The following LY75 variants were observed in gnomAD, a reference collection of about 807,000 sequenced individuals.
LY75 encodes lymphocyte antigen 75.
A neutral mutation model predicts 231.7 loss-of-function variants in LY75; 185 were observed. The observed-to-expected ratio is 0.80, with a 90% CI of 0.71 to 0.90. The LOEUF is 0.90. Among genes scored for constraint, LY75 ranks in the 40% least tolerant of loss-of-function variants. The pLI, the probability that LY75 is intolerant of heterozygous loss-of-function variation, is 0.00. For synonymous variants in LY75, 668 were observed against 689.0 expected (o/e 0.97, Z 0.48); for missense variants, 1,947 against 2,050.2 (o/e 0.95, Z 0.97).
rs769156064 is a variant in LY75, at chr2:159,886,530, T to C, written c.803A>G (p.Glu268Gly). ...NSAAELTYLK[E>G]KEGIAKIFWI... Reference sequence around the variant, plus strand: ...GAAAATCTTAGCAATGCCTTCTTTTTCTGTAAGAATTAAAAAATTTTTAAA... The same window carrying C: ...GAAAATCTTAGCAATGCCTTCTTTTCCTGTAAGAATTAAAAAATTTTTAAA... The change falls in exon 5 of 35, where the codon GAA becomes GGA. Residue 268 changes from glutamate (E) to glycine (G), a missense_variant and splice_region_variant. Physicochemically the swap from Glu to Gly is moderately conservative, Grantham distance 98. Coordinates refer to ENST00000263636, the MANE Select transcript of LY75 (RefSeq NM_002349.4). 2 of 1,587,462 alleles carry C rather than the reference T, an allele frequency of 1.3e-6. No individual in the cohort carries two copies. Among genetic ancestry groups the C allele is most frequent in the East Asian group, 2.2e-5 (1 of 44,670 alleles).
intron 16 of LY75, among the ~76,000 whole-genome samples, chr2:159,856,807 T>C (rs1181245079): frequency 1.3e-5 from 2 of 152,146 alleles, no homozygotes; most frequent in East Asian, 1.9e-4. Flanking sequence ...AAAAAATATA[T>C]ATACACCTCC....
chr2:159,814,690 AAAAAGAAAAGAAAAGAAAGGAAAAG>A (rs1683063388), intron 31 of LY75, among the ~76,000 whole-genome samples: 1 of 151,268 alleles, frequency 6.6e-6, no homozygotes, highest in Non-Finnish European at 1.5e-5. Flanking sequence ...TAAGAAAAGA[AAAAAGAAAAGAAAAGAAAGGAAAAG>A]AAAAGAAAAG....
rs115945124 is a variant in LY75 at position 159,844,138 on chromosome 2, C to A, written c.3151-1764G>T. On this transcript the variant is annotated intron_variant, in intron 23 of 34. Coordinates refer to ENST00000263636, the MANE Select transcript of LY75 (RefSeq NM_002349.4). Reference sequence around the variant, plus strand: ...CTAACATGATCAGAAAAAAATATGACAATATAGCATAAGAAATTGACTCTA... The same window carrying A: ...CTAACATGATCAGAAAAAAATATGAAAATATAGCATAAGAAATTGACTCTA... 6.1e-3 allele frequency among the ~76,000 whole-genome samples: 933 copies of A among 151,918 alleles called. 6 individuals are homozygous for A. Among genetic ancestry groups the A allele is most frequent in the African/African-American group, 0.022 (897 of 41,474 alleles).
chr2:159,831,562 A>C, intron 28 of LY75, 108 bp downstream of exon 28: 1 of 1,201,352 alleles, frequency 8.3e-7, no homozygotes, highest in Admixed American at 2.2e-5. Context: ...GTACATAATT[A>C]TACTTTCACG....
At position 159,893,941 on chromosome 2, in the gene LY75, G is replaced by C. The variant is rs371307279; in HGVS notation, c.610C>G (p.Arg204Gly). ...GGCTTTAAGCAGATGCCCCACTTTC[G>C]GTCATATTCATAATTTAAGGTGGTG... ...CATTLNYEYD[R>G]KWGICLKPEN... Residue 204 changes from arginine to glycine, a missense_variant, in exon 3 of 35, where the codon CGA (arginine) becomes GGA (glycine). Transcript: ENST00000263636. 25 of 1,612,246 alleles carry C rather than the reference G, an allele frequency of 1.6e-5. No homozygotes were observed. In the East Asian group the frequency reaches 1.6e-4, roughly 10 times the overall value.
intron 1 of LY75, chr2:159,903,597 T>G (rs1465196591): frequency 6.6e-6 from 1 of 152,210 alleles, no homozygotes; most frequent in Non-Finnish European, 1.5e-5. Context: ...AGATGGTAAC[T>G]TAGCTTAGCT....
chr2:159,813,332 GT>G (rs200109491), intron 31 of LY75, among the ~76,000 whole-genome samples: 77 of 141,316 alleles, frequency 5.4e-4, no homozygotes, highest in Admixed American at 7.7e-4. Flanking sequence ...TCTCTGTTTT[GT>G]TTTTTTTTTT....
intron 7 of LY75, among the ~76,000 whole-genome samples, 160 bp downstream of exon 7, chr2:159,881,964 A>G (rs1685449710): frequency 6.6e-6 from 1 of 152,212 alleles, no homozygotes; most frequent in Admixed American, 6.5e-5. Context: ...CCACCATACT[A>G]GACCAATTGT....
chr2:159,865,908 A>G (rs968769568), intron 13 of LY75, among the ~76,000 whole-genome samples: 3 of 152,188 alleles, frequency 2.0e-5, no homozygotes, highest in Non-Finnish European at 4.4e-5. Flanking sequence ...CCAGGGATAA[A>G]TATCCAGCAT....
chr2:159,842,497 C>G (rs1684067970), intron 23 of LY75, 123 bp from the exon 24 acceptor site: 1 of 1,209,536 alleles, frequency 8.3e-7, no homozygotes, highest in Admixed American at 3.7e-5. Flanking sequence ...AAGGACCTGA[C>G]CATGACATTT....
chr2:159,849,465 G>T (rs934684325), intron 23 of LY75, among the ~76,000 whole-genome samples: 5 of 152,124 alleles, frequency 3.3e-5, no homozygotes, highest in Non-Finnish European at 7.4e-5. Context: ...CTGAGGCTGA[G>T]AGCCCAAAGT....
intron 4 of LY75, among the ~76,000 whole-genome samples, chr2:159,887,502 G>A (rs1685626561): frequency 6.8e-6 from 1 of 146,420 alleles, no homozygotes; most frequent in Non-Finnish European, 1.5e-5. Context: ...AGGTTGCAGT[G>A]AGCCGATATT....
chr2:159,825,660 G>GA lies in LY75; in HGVS notation c.3959-5741dup, dbSNP rs200466586. 1.3e-3 allele frequency among the ~76,000 whole-genome samples: 192 copies of GA among 152,226 alleles called. 4 individuals carry two copies. The East Asian group carries it at 0.032, about 25-fold the overall frequency. On this transcript the variant is annotated intron_variant, in intron 28 of 34. Coordinates refer to ENST00000263636, the MANE Select transcript of LY75 (RefSeq NM_002349.4). Reference sequence around the variant, plus strand: ...ACCTGGCAGAAACACAACAAAAAAAGAAAATTTCAGGCCAATATCTCTGAT... The same window carrying GA: ...ACCTGGCAGAAACACAACAAAAAAAGAAAAATTTCAGGCCAATATCTCTGAT...
At chr2:159,809,279 T>C (rs921364709) in intron 32 of LY75, among the ~76,000 whole-genome samples, 1 of 152,234 alleles carries the variant, frequency 6.6e-6, no homozygotes, top group African/African-American at 2.4e-5. Flanking sequence ...AGAAGTCATT[T>C]TACAGTTTGA....
At chr2:159,867,748 A>G (rs151232306) in intron 13 of LY75, among the ~76,000 whole-genome samples, 25 of 152,324 alleles carry the variant, frequency 1.6e-4, no homozygotes, top group African/African-American at 6.0e-4. Flanking sequence ...GGTAGTGTAC[A>G]CAGCAGCAAT....
In LY75 at chr2:159,881,218, T is replaced by C. The variant is rs1421532936; in HGVS notation, c.1269A>G (p.Ile423Met). ...HNEDIKEEVW[I>M]GLKNINIPTL... ...TTGGTATGTTTATGTTCTTAAGGCCTATCCACACTTCTTCTTTGATATCTA... is the reference window on the plus strand; with the variant it reads ...TTGGTATGTTTATGTTCTTAAGGCCCATCCACACTTCTTCTTTGATATCTA... The change falls in exon 8 of 35, where the codon ATA becomes ATG. Residue 423 changes from isoleucine (I) to methionine (M), a missense_variant. Ile to Met is a conservative substitution (Grantham distance 10, BLOSUM62 1). Transcript: ENST00000263636. The C allele has an allele frequency of 1.2e-6, 2 of 1,611,142 alleles. No homozygotes were observed. Among genetic ancestry groups the C allele is most frequent in the South Asian group, 1.1e-5 (1 of 90,500 alleles).
chr2:159,854,572 A>C, intron 17 of LY75, 37 bp from the exon 18 acceptor site: 1 of 1,601,110 alleles, frequency 6.2e-7, no homozygotes, highest in South Asian at 1.1e-5. Context: ...AATTATGACT[A>C]TGCAAAGCAA....
chr2:159,853,402 A>G (rs1044521703), intron 19 of LY75, 50 bp from the exon 20 acceptor site: 1 of 1,589,424 alleles, frequency 6.3e-7, no homozygotes, highest in Non-Finnish European at 8.6e-7. Context: ...TAGGTGTTCC[A>G]TTTTTTTCTT....
Position 159,860,854 on chromosome 2 carries a change from C to T in LY75, c.2235G>A (p.Gln745=), listed in dbSNP as rs1256800798. 2 of 1,613,932 alleles carry T rather than the reference C, an allele frequency of 1.2e-6. No homozygotes were observed. Among genetic ancestry groups the T allele is most frequent in the Non-Finnish European group, 1.7e-6 (2 of 1,179,878 alleles). Residue 745 remains glutamine (Q), a synonymous_variant, in exon 15 of 35, where the codon CAG becomes CAA. Coordinates refer to ENST00000263636, the MANE Select transcript of LY75 (RefSeq NM_002349.4). ...CAGCACAGTCTCTGATGTCATAATC[C>T]TGCTGAAACTCATTTGGCATGATAA... ...STIIMPNEFQ[Q]DYDIRDCAAV...
Sources: allele counts gnomAD v4.1 joint callset (sites outside exome capture counted in the v4.1 genomes callset), GRCh38; gene constraint gnomAD v4.1.1; transcripts MANE v1.5; gene names NCBI Gene and HGNC (gene_info 2026-07-23, HGNC 2026-07-21).